The following CR2 variants were observed in gnomAD, a reference collection of about 807,000 sequenced individuals.
The protein encoded by CR2 is complement receptor type 2.
CR2 carries 96 observed loss-of-function variants against 123.0 expected under a neutral mutation model. That is an observed-to-expected ratio of 0.78 (90% CI 0.66 to 0.93). CR2 has a LOEUF of 0.93. Ranked by LOEUF, CR2 falls within the 40% of genes least tolerant of loss-of-function variation. The pLI is 0.00. For missense variants in CR2, 1,258 were observed against 1,361.0 expected, an observed-to-expected ratio of 0.92 and a Z score of 1.19; for synonymous variants, 484 against 469.5, an observed-to-expected ratio of 1.03 and a Z score of -0.40.
chr1:207,483,903 A>G (rs1051011956), intron 18 of CR2, among the ~76,000 whole-genome samples: 1 of 152,170 alleles, frequency 6.6e-6, no homozygotes, highest in Non-Finnish European at 1.5e-5. Context: ...TGGGATGAGA[A>G]CAGCCCTCAG....
intron 17 of CR2, 38 bp from the exon 18 acceptor site, chr1:207,479,940 T>A: frequency 6.7e-7 from 1 of 1,483,568 alleles, no homozygotes; most frequent in Non-Finnish European, 9.4e-7. Flanking sequence ...TAGGTGATCG[T>A]CTTCTGGCAT....
chr1:207,472,283 A>C (rs916910751), intron 9 of CR2, among the ~76,000 whole-genome samples: 5 of 152,142 alleles, frequency 3.3e-5, no homozygotes, highest in African/African-American at 1.2e-4. Context: ...AGAAAATTTA[A>C]AAAACACTAC....
Position 207,472,879 on chromosome 1 carries a change from C to A in CR2, c.1678C>A (p.Pro560Thr), listed in dbSNP as rs1658322230. The stretch of plus-strand genomic sequence containing the variant: ...GGTCACTTACACATGTAACCCTGGG[C>A]CAGAAAGAGGAGTGGAATTCAGCCT... ...TTVTYTCNPG[P>T]ERGVEFSLIG... The change falls in exon 10 of 20, where the codon CCA becomes ACA. Residue 560 changes from proline (P) to threonine (T), a missense_variant. Physicochemically the swap from Pro to Thr is conservative, Grantham distance 38. Transcript: ENST00000367057. 1.9e-6 allele frequency: 3 copies of A among 1,613,996 alleles called. No homozygotes were observed. Among genetic ancestry groups the A allele is most frequent in the Non-Finnish European group, 1.7e-6 (2 of 1,179,966 alleles).
At chr1:207,472,019 G>T (rs115807376) in intron 9 of CR2, 307 of 184,996 alleles carry the variant, frequency 1.7e-3, no homozygotes, top group African/African-American at 7.1e-3. Context: ...GGAGGCTGAG[G>T]GCGGCAGATC....
intron 18 of CR2, among the ~76,000 whole-genome samples, chr1:207,485,043 G>A (rs1326308840): frequency 2.6e-5 from 4 of 152,120 alleles, no homozygotes; most frequent in African/African-American, 9.7e-5. Context: ...TGGAGTTACA[G>A]TGTTTACACT....
At chr1:207,486,760 G>C (rs1289851417) in intron 19 of CR2, among the ~76,000 whole-genome samples, 1 of 152,234 alleles carries the variant, frequency 6.6e-6, no homozygotes, top group East Asian at 1.9e-4. Context: ...GAGAGGAAGA[G>C]AGCTGTCAAT....
chr1:207,488,174 G>T (rs1181221832), intron 19 of CR2, among the ~76,000 whole-genome samples: 2 of 152,202 alleles, frequency 1.3e-5, no homozygotes, highest in African/African-American at 4.8e-5. Context: ...TTAGCCATCA[G>T]TACCACTTTG....
intron 18 of CR2, among the ~76,000 whole-genome samples, chr1:207,484,091 T>C (rs1405978263): frequency 1.3e-5 from 2 of 152,188 alleles, no homozygotes; most frequent in African/African-American, 4.8e-5. Flanking sequence ...GCATTAGAAA[T>C]GTAAATACAT....
At chr1:207,458,778 T>C (rs1657899794) in intron 1 of CR2, among the ~76,000 whole-genome samples, 1 of 152,226 alleles carries the variant, frequency 6.6e-6, no homozygotes. Context: ...TCATATTTCA[T>C]GTTCAGCACC....
rs759543015 is a variant in CR2, at chr1:207,474,308, A to G, written c.2308A>G (p.Ile770Val). The G allele has an allele frequency of 6.2e-6, 10 of 1,612,414 alleles. No homozygotes were observed. In the East Asian group the frequency reaches 2.2e-4, roughly 36 times the overall value. ...TGAAAATGGAATTTGGTTCAAAAAG[A>G]TTCCACTTTGTAAAGGTAAGTTAGA... ...DAENGIWFKK[I>V]PLCKVIHCHP... The change falls in exon 13 of 20, where the codon ATT (isoleucine) becomes GTT (valine). Residue 770 changes from isoleucine to valine, a missense_variant. Physicochemically the swap from Ile to Val is conservative, Grantham distance 29. Coordinates refer to ENST00000367057, the MANE Select transcript of CR2 (RefSeq NM_001006658.3).
In CR2 at chr1:207,469,679, T is replaced by A; in HGVS notation, c.818-16T>A. The A allele has an allele frequency of 6.2e-7, 1 of 1,612,214 alleles. No homozygotes were observed. Among genetic ancestry groups the A allele is most frequent in the African/African-American group, 1.3e-5 (1 of 74,962 alleles). ...TACACCTATGATCTTGTCATTTCTT[T>A]CTGCAATTCCCCTAGAAATTTTTTG... On this transcript the variant is annotated splice_polypyrimidine_tract_variant and intron_variant, in intron 5 of 19. Coordinates refer to ENST00000367057, the MANE Select transcript of CR2 (RefSeq NM_001006658.3).
intron 15 of CR2, among the ~76,000 whole-genome samples, chr1:207,477,451 A>G (rs1658473609): frequency 6.6e-6 from 1 of 152,172 alleles, no homozygotes; most frequent in African/African-American, 2.4e-5. Context: ...GGACACAGCC[A>G]AACCATATCA....
At chr1:207,477,676 C>A (rs1025180355) in intron 15 of CR2, among the ~76,000 whole-genome samples, 1 of 152,170 alleles carries the variant, frequency 6.6e-6, no homozygotes. Context: ...CAAATATAAT[C>A]TGGCTTAAAT....
At chr1:207,464,366 C>T (rs985880769) in intron 1 of CR2, among the ~76,000 whole-genome samples, 8 of 152,170 alleles carry the variant, frequency 5.3e-5, no homozygotes, top group African/African-American at 1.9e-4. Context: ...TCTCTTTCCC[C>T]ACCTACTCCT....
At chr1:207,475,281 C>T in intron 14 of CR2, 65 bp downstream of exon 14, 1 of 1,548,682 alleles carries the variant, frequency 6.5e-7, no homozygotes, top group Non-Finnish European at 8.8e-7. Flanking sequence ...GGTTTTGAAT[C>T]TGCACTTGAC....
At chr1:207,486,957 G>A (rs1225161915) in intron 19 of CR2, among the ~76,000 whole-genome samples, 1 of 152,188 alleles carries the variant, frequency 6.6e-6, no homozygotes, top group Non-Finnish European at 1.5e-5. Flanking sequence ...TGGGCAATTG[G>A]TCCAGGCTGG....
intron 2 of CR2, 126 bp downstream of exon 2, chr1:207,467,038 A>T: frequency 1.7e-6 from 2 of 1,200,380 alleles, no homozygotes; most frequent in Non-Finnish European, 2.3e-6. Context: ...GAAGGAAACA[A>T]GGGAAAAGGT....
chr1:207,466,467 A>T, intron 1 of CR2, 59 bp from the exon 2 acceptor site: 2 of 1,588,314 alleles, frequency 1.3e-6, no homozygotes, highest in Non-Finnish European at 1.7e-6. Context: ...TTTTACCTAC[A>T]TTTGAATATT....
At chr1:207,483,691 A>C (rs1658670234) in intron 18 of CR2, among the ~76,000 whole-genome samples, 1 of 152,108 alleles carries the variant, frequency 6.6e-6, no homozygotes, top group African/African-American at 2.4e-5. Flanking sequence ...AATGGCTCAC[A>C]TGAAGGCGAT....
Sources: gnomAD v4.1 joint callset for allele counts (sites outside exome capture counted in the v4.1 genomes callset) on GRCh38, gnomAD v4.1.1 for gene constraint, MANE v1.5 for transcripts, NCBI Gene and HGNC (gene_info 2026-07-23, HGNC 2026-07-21) for gene names.